The following CEP78 variants were observed in gnomAD, a reference collection of about 807,000 sequenced individuals.
CEP78 encodes centrosomal protein 78, also known as centrosomal protein of 78 kDa.
CEP78 carries 76 observed loss-of-function variants against 81.2 expected under a neutral mutation model. The observed-to-expected ratio is 0.94, with a 90% CI of 0.78 to 1.13. CEP78 has a LOEUF of 1.13. CEP78 is among the 50% of genes most tolerant of loss of function. The pLI is 0.00. For missense variants in CEP78, 918 were observed against 846.8 expected (o/e 1.08, Z -1.04); for synonymous variants, 293 against 301.4 (o/e 0.97, Z 0.29).
intron 4 of CEP78, among the ~76,000 whole-genome samples, chr9:78,242,064 C>T (rs1036809195): frequency 1.3e-5 from 2 of 152,022 alleles, no homozygotes; most frequent in Non-Finnish European, 2.9e-5. Context: ...TTTAAAGGTG[C>T]CTTAACAACT....
chr9:78,271,255 T>A lies in CEP78; in HGVS notation c.*404T>A, dbSNP rs1046081858. 1 of 155,632 alleles carries A rather than the reference T, an allele frequency of 6.4e-6. No homozygotes were observed. The highest frequency in any genetic ancestry group is 6.5e-5 in the Admixed American group (1 of 15,384). The allele number at this position is 155,632 out of a possible 1,614,324, so 9.6% of individuals were successfully genotyped here. A position where few individuals can be genotyped will look rare whatever the true frequency, so the allele number is the denominator to read the frequency against. On this transcript the variant is annotated 3_prime_UTR_variant, in exon 17 of 17. Coordinates refer to ENST00000643273, the MANE Select transcript of CEP78 (RefSeq NM_001330691.3). ...CAGAATTCCCATTTGGATGAAAAAA[T>A]AACACTTCCAACTTTAATCTTAGGC...
In CEP78 at chr9:78,277,184, A is replaced by T. The variant is rs1827822362; in HGVS notation, c.*6333A>T. 1 of 152,208 alleles carries T rather than the reference A, an allele frequency of 6.6e-6. No homozygotes were observed. Among genetic ancestry groups the T allele is most frequent in the African/African-American group, 2.4e-5 (1 of 41,466 alleles). The allele number at this position is 152,208 out of a possible 1,614,324, so 9.4% of individuals were successfully genotyped here. The stretch of plus-strand genomic sequence containing the variant: ...AAATCAAGATGAATTAAACATGGAA[A>T]TTAAAAATAACTAGAAGAAAATACT... On this transcript the variant is annotated 3_prime_UTR_variant, in exon 17 of 17. Coordinates refer to ENST00000643273, the MANE Select transcript of CEP78 (RefSeq NM_001330691.3).
chr9:78,255,780 C>T (rs898046727), intron 11 of CEP78, among the ~76,000 whole-genome samples: 3 of 152,250 alleles, frequency 2.0e-5, no homozygotes, highest in African/African-American at 7.2e-5. Flanking sequence ...TTGTTTGTAG[C>T]ACCTAAGTGG....
Position 78,236,339 on chromosome 9 carries a change from C to A in CEP78, c.-12C>A. On this transcript the variant is annotated 5_prime_UTR_variant, in exon 1 of 17. Coordinates refer to ENST00000643273, the MANE Select transcript of CEP78 (RefSeq NM_001330691.3). ...CTCCGCGGCGGGCATCCCCCGAGGCCGCCCTCGGGCCATGATCGACTCCGT... is the reference window on the plus strand; with the variant it reads ...CTCCGCGGCGGGCATCCCCCGAGGCAGCCCTCGGGCCATGATCGACTCCGT... The A allele has an allele frequency of 6.4e-7, 1 of 1,555,386 alleles. No homozygotes were observed. Among genetic ancestry groups the A allele is most frequent in the Non-Finnish European group, 8.7e-7 (1 of 1,156,058 alleles).
At chr9:78,267,223 TATC>T (rs1156711114) in intron 16 of CEP78, 16 of 380,856 alleles carry the variant, frequency 4.2e-5, no homozygotes, top group Non-Finnish European at 7.9e-5. Flanking sequence ...GTATGTATAA[TATC>T]ATTCTGGGTG....
At position 78,271,107 on chromosome 9, in the gene CEP78, T is replaced by C. The variant is rs1827679648; in HGVS notation, c.*256T>C. ...CGGAGAATAAGGGAATTATCCAAAATGGCTCCGAAGAGGAACTGAAGTTAA... is the reference window on the plus strand; with the variant it reads ...CGGAGAATAAGGGAATTATCCAAAACGGCTCCGAAGAGGAACTGAAGTTAA... On this transcript the variant is annotated 3_prime_UTR_variant, in exon 17 of 17. Transcript: ENST00000643273. 1 of 378,882 alleles carries C rather than the reference T, an allele frequency of 2.6e-6. No homozygotes were observed. Among genetic ancestry groups the C allele is most frequent in the East Asian group, 4.7e-5 (1 of 21,344 alleles). 23.5% of individuals were successfully genotyped at this position (378,882 alleles called of 1,614,324 possible).
intron 11 of CEP78, among the ~76,000 whole-genome samples, chr9:78,256,594 G>A (rs535434294): frequency 2.0e-5 from 3 of 148,292 alleles, no homozygotes; most frequent in South Asian, 2.2e-4. Flanking sequence ...ATGCAGTGGC[G>A]GGATCTCGGC....
chr9:78,263,921 C>A (rs1827391372), intron 12 of CEP78: 1 of 260,600 alleles, frequency 3.8e-6, no homozygotes, highest in Non-Finnish European at 7.1e-6. Flanking sequence ...GAAATGTGAT[C>A]TTTTTGAAAG....
intron 1 of CEP78, among the ~76,000 whole-genome samples, chr9:78,237,659 G>A (rs1193937766): frequency 1.3e-5 from 2 of 152,122 alleles, no homozygotes; most frequent in East Asian, 1.9e-4. Context: ...CTGTCATAGA[G>A]TTGGATGTTT....
intron 5 of CEP78, among the ~76,000 whole-genome samples, 184 bp from the exon 6 acceptor site, chr9:78,246,485 A>G (rs967351406): frequency 6.6e-6 from 1 of 152,222 alleles, no homozygotes; most frequent in African/African-American, 2.4e-5. Flanking sequence ...CTGTAGTCCC[A>G]GCTACTCAGG....
chr9:78,248,149 G>T, intron 6 of CEP78, 142 bp from the exon 7 acceptor site: 1 of 647,766 alleles, frequency 1.5e-6, no homozygotes, highest in Non-Finnish European at 2.8e-6. Flanking sequence ...CTCAAAGGGG[G>T]AAAAGGTATT....
chr9:78,239,201 C>T (rs1826101683), intron 1 of CEP78, among the ~76,000 whole-genome samples: 1 of 152,072 alleles, frequency 6.6e-6, no homozygotes, highest in Admixed American at 6.6e-5. Flanking sequence ...ATTTTAACCT[C>T]CTACATATTG....
At chr9:78,270,571 C>T (rs371689725) in intron 16 of CEP78, among the ~76,000 whole-genome samples, 3 of 152,154 alleles carry the variant, frequency 2.0e-5, no homozygotes, top group Admixed American at 6.5e-5. Context: ...GATACTGTAG[C>T]AAAGAGCTTG....
chr9:78,240,280 C>A lies in CEP78; in HGVS notation c.427-12C>A. 1 of 1,606,676 alleles carries A rather than the reference C, an allele frequency of 6.2e-7. No individual in the cohort carries two copies. On this transcript the variant is annotated splice_polypyrimidine_tract_variant and intron_variant, in intron 2 of 16. Transcript: ENST00000643273. ...CCTCAATAACATTTTTAACTTTTCC[C>A]CCTCATTAAAGGGATTGAATAAATC... is the stretch of plus-strand genomic sequence containing the variant.
In CEP78 at chr9:78,276,182, T is replaced by C. The variant is rs991524976; in HGVS notation, c.*5331T>C. ...CATTGTAGCAAAAGATATATCATTT[T>C]CAAGGAAGATTTGTACCAAAACATG... On this transcript the variant is annotated 3_prime_UTR_variant, in exon 17 of 17. Coordinates refer to ENST00000643273, the MANE Select transcript of CEP78 (RefSeq NM_001330691.3). 5 of 152,232 alleles carry C rather than the reference T, an allele frequency of 3.3e-5. No homozygotes were observed. The highest frequency in any genetic ancestry group is 1.2e-4 in the African/African-American group (5 of 41,468). The allele number at this position is 152,232 out of a possible 1,614,324, so 9.4% of individuals were successfully genotyped here.
In CEP78 at chr9:78,243,274, A is replaced by G. The variant is rs553224525; in HGVS notation, c.604-188A>G. 6.6e-5 allele frequency among the ~76,000 whole-genome samples: 10 copies of G among 152,338 alleles called. No individual in the cohort carries two copies. The South Asian group carries it at 2.1e-3, about 32-fold the overall frequency. On this transcript the variant is annotated intron_variant, in intron 4 of 16. Coordinates refer to ENST00000643273, the MANE Select transcript of CEP78 (RefSeq NM_001330691.3). ...GGGTCACATAGCTAGTCAGTGACAG[A>G]CTAGTATCTGGGTCACTGGACTCCT...
In CEP78 at chr9:78,273,034, C is replaced by CT. The variant is rs1827727039; in HGVS notation, c.*2186dup. Reference sequence around the variant, plus strand: ...GAGGGAAGCAAATGTATGTCAACAACTTTAATAGCTACAAAACTACCTGGA... The same window carrying CT: ...GAGGGAAGCAAATGTATGTCAACAACTTTTAATAGCTACAAAACTACCTGGA... On this transcript the variant is annotated 3_prime_UTR_variant, in exon 17 of 17. Transcript: ENST00000643273. The CT allele has an allele frequency of 6.6e-6, 1 of 152,058 alleles. No individual in the cohort carries two copies. Among genetic ancestry groups the CT allele is most frequent in the African/African-American group, 2.4e-5 (1 of 41,398 alleles). The allele number at this position is 152,058 out of a possible 1,614,324, so 9.4% of individuals were successfully genotyped here. A position where few individuals can be genotyped will look rare whatever the true frequency, so the allele number is the denominator to read the frequency against.
intron 9 of CEP78, among the ~76,000 whole-genome samples, chr9:78,252,407 A>G (rs141389597): frequency 9.2e-5 from 14 of 152,220 alleles, no homozygotes; most frequent in Non-Finnish European, 1.3e-4. Context: ...AAGCATAGGA[A>G]ATTGTTCAAT....
In CEP78 at chr9:78,251,969, T is replaced by C; in HGVS notation, c.1131T>C (p.Tyr377=). The C allele has an allele frequency of 5.0e-6, 8 of 1,609,006 alleles. No homozygotes were observed. Among genetic ancestry groups the C allele is most frequent in the Non-Finnish European group, 6.8e-6 (8 of 1,176,624 alleles). Reference sequence around the variant, plus strand: ...AACACTCCCTTGGTAAAGAATATTATGCGCCCGCACCTCTTCCACCTGGTG... The same window carrying C: ...AACACTCCCTTGGTAAAGAATATTACGCGCCCGCACCTCTTCCACCTGGTG... The part of the protein sequence containing the change: ...GRKHSLGKEY[Y]APAPLPPGVS... Residue 377 remains tyrosine, a synonymous_variant, in exon 9 of 17, where the codon TAT becomes TAC. Transcript: ENST00000643273.
Sources: gnomAD v4.1 joint callset for allele counts (sites outside exome capture counted in the v4.1 genomes callset) on GRCh38, gnomAD v4.1.1 for gene constraint, MANE v1.5 for transcripts, NCBI Gene and HGNC (gene_info 2026-07-23, HGNC 2026-07-21) for gene names.